The following NBPF12 variants were observed in gnomAD, a reference collection of about 807,000 sequenced individuals.
NBPF12 encodes the protein NBPF family member NBPF12.
In NBPF12, 115 loss-of-function variants were observed where a neutral mutation model predicts 146.4. The observed-to-expected ratio is 0.79, with a 90% CI of 0.68 to 0.92. The LOEUF (loss-of-function observed/expected upper bound fraction) is 0.92, where lower values mean the gene tolerates loss of function less well. Among genes scored for constraint, NBPF12 ranks in the 40% least tolerant of loss-of-function variants. The pLI is 0.00. For synonymous variants in NBPF12, 385 were observed against 508.9 expected (o/e 0.76, Z 3.28); for missense variants, 1,205 against 1,326.8 (o/e 0.91, Z 1.43).
chr1:146,944,942 CCCTTCTTTTCTT>C (rs1654961796), upstream of NBPF12, among the ~76,000 whole-genome samples: 1 of 84,416 alleles, frequency 1.2e-5, no homozygotes, highest in Non-Finnish European at 2.3e-5. Flanking sequence ...CTCCCTCCCT[CCCTTCTTTTCTT>C]CCTCCCTCCC....
chr1:146,971,105 A>G (rs1656582708), intron 12 of NBPF12, 78 bp from the exon 16 acceptor site: 1 of 1,604,674 alleles, frequency 6.2e-7, no homozygotes. Flanking sequence ...GCCGCTTGTC[A>G]AAACCAGCTA....
In NBPF12 at chr1:146,970,712, T is replaced by G. The variant is rs1553886268; in HGVS notation, c.1372T>G (p.Ser458Ala). Residue 458 changes from serine (S) to alanine (A), a missense_variant, in exon 12 of 34, where the codon TCC becomes GCC. By Grantham distance (99) the Ser-to-Ala change is moderately conservative. Coordinates refer to ENST00000617844, the Ensembl canonical transcript of NBPF12. ...GGATGAGAAAGTGCTGGAATCATCT[T>G]CCCCCAGGTGACACTGAATACTCAG... The G allele has an allele frequency of 4.9e-3, 6,727 of 1,367,990 alleles. 81 individuals carry two copies. The highest frequency in any genetic ancestry group is 5.7e-3 in the Non-Finnish European group (5,494 of 958,628). 84.7% of individuals were successfully genotyped at this position (1,367,990 alleles called of 1,614,324 possible). A position where few individuals can be genotyped will look rare whatever the true frequency, so the allele number is the denominator to read the frequency against.
intron 6 of NBPF12, among the ~76,000 whole-genome samples, chr1:146,963,623 G>A (rs1249778182): frequency 7.3e-5 from 11 of 151,422 alleles, no homozygotes; most frequent in East Asian, 3.9e-4. Context: ...AGAGCTCTGG[G>A]CTAAGAATGA....
chr1:146,943,009 C>T (rs1654874270), intron 1 of NBPF12, among the ~76,000 whole-genome samples: 2 of 138,606 alleles, frequency 1.4e-5, no homozygotes, highest in Non-Finnish European at 3.1e-5. Context: ...AAGGAATCCT[C>T]CTGCCTCAGC....
Position 146,962,394 on chromosome 1 carries a change from C to T in NBPF12, c.278+131C>T, listed in dbSNP as rs1655908913. The T allele has an allele frequency of 2.3e-5, 17 of 739,900 alleles. No homozygotes were observed. In the South Asian group the frequency reaches 2.6e-4, roughly 11 times the overall value. The allele number at this position is 739,900 out of a possible 1,614,324, so 45.8% of individuals were successfully genotyped here. A position where few individuals can be genotyped will look rare whatever the true frequency, so the allele number is the denominator to read the frequency against. Reference sequence around the variant, plus strand: ...AGAAATTGCCATGGCAGGCTCATGACACACAAATATTTATCAGAGAACAAG... The same window carrying T: ...AGAAATTGCCATGGCAGGCTCATGATACACAAATATTTATCAGAGAACAAG... On this transcript the variant is annotated intron_variant, in intron 5 of 33. Transcript: ENST00000617844.
Position 146,955,507 on chromosome 1 carries a change from TTC to T in NBPF12, c.-184+4020_-184+4021del, listed in dbSNP as rs1433549427. Among the ~76,000 whole-genome samples the T allele has an allele frequency of 4.6e-3, 383 of 82,594 alleles. 6 individuals are homozygous for T. Among genetic ancestry groups the T allele is most frequent in the African/African-American group, 0.022 (354 of 16,454 alleles). 54.2% of individuals were successfully genotyped at this position (82,594 alleles called of 152,430 possible). ...AACTGGGGAGGAAGAGAGTTTTGAC[TTC>T]TGCAACTGGTTACAGGGAAACGGCC... On this transcript the variant is annotated intron_variant, in intron 2 of 33. Coordinates refer to ENST00000617844, the Ensembl canonical transcript of NBPF12.
chr1:146,994,997 G>T lies in NBPF12; in HGVS notation c.*422G>T, dbSNP rs1658456922. 3 of 251,586 alleles carry T rather than the reference G, an allele frequency of 1.2e-5. No homozygotes were observed. In the South Asian group the frequency reaches 1.6e-4, roughly 13 times the overall value. The allele number at this position is 251,586 out of a possible 1,614,324, so 15.6% of individuals were successfully genotyped here. On this transcript the variant is annotated 3_prime_UTR_variant, in exon 34 of 34. Coordinates refer to ENST00000617844, the Ensembl canonical transcript of NBPF12. ...TAACCTCATTATTTGTGTCTTCAGT[G>T]TTGGCTTGTTTTAGCTGATCCATCT...
intron 21 of NBPF12, 130 bp from the exon 25 acceptor site, chr1:146,984,683 T>G (rs1570890329): frequency 1.4e-6 from 1 of 724,420 alleles, no homozygotes; most frequent in Non-Finnish European, 2.5e-6. Flanking sequence ...AGGCAATAAT[T>G]TGTTACCTCA....
At chr1:146,951,052 T>C (rs1472040201) in intron 1 of NBPF12, among the ~76,000 whole-genome samples, 14 of 152,052 alleles carry the variant, frequency 9.2e-5, no homozygotes, top group East Asian at 7.7e-4. Flanking sequence ...AGAAAGCTTT[T>C]GCTACTTCCA....
chr1:146,992,472 G>GTTTGTGTGTT (rs1658251082), intron 31 of NBPF12, among the ~76,000 whole-genome samples: 50 of 103,016 alleles, frequency 4.9e-4, no homozygotes, highest in South Asian at 1.6e-3. Context: ...CTGTGTGTGT[G>GTTTGTGTGTT]TGTGTGTGTG....
intron 8 of NBPF12, among the ~76,000 whole-genome samples, chr1:146,965,432 C>T (rs1179233003): frequency 1.3e-5 from 2 of 149,210 alleles, no homozygotes; most frequent in South Asian, 2.1e-4. Flanking sequence ...ATGATCCTCC[C>T]ACCCTCATTC....
At chr1:146,956,443 TTTGTAAACGTG>T (rs1655592297) in intron 2 of NBPF12, among the ~76,000 whole-genome samples, 2 of 151,786 alleles carry the variant, frequency 1.3e-5, no homozygotes, top group South Asian at 2.1e-4. Context: ...AGTGCATCCA[TTTGTAAACGTG>T]CATTGAATTA....
At position 146,972,970 on chromosome 1, in the gene NBPF12, A is replaced by G. The variant is rs1656751351; in HGVS notation, c.1801+10A>G. The G allele has an allele frequency of 1.8e-5, 16 of 910,196 alleles. No individual in the cohort carries two copies. The highest frequency in any genetic ancestry group is 4.8e-5 in the East Asian group (2 of 41,844). The allele number at this position is 910,196 out of a possible 1,614,324, so 56.4% of individuals were successfully genotyped here. On this transcript the variant is annotated intron_variant, in intron 14 of 33. Transcript: ENST00000617844. ...CAGCAGAACAAATACAGTAAGATCT[A>G]TATGCTCACCATCATGAAAGTGATG...
At chr1:146,975,496 A>G (rs1368531177) in intron 15 of NBPF12, among the ~76,000 whole-genome samples, 181 bp from the exon 19 acceptor site, 1 of 149,092 alleles carries the variant, frequency 6.7e-6, no homozygotes, top group Admixed American at 6.6e-5. Flanking sequence ...TCTCTGATAC[A>G]GAGGAAGCCT....
chr1:146,976,391 C>T (rs1421629735), intron 16 of NBPF12, among the ~76,000 whole-genome samples: 13 of 133,312 alleles, frequency 9.8e-5, no homozygotes, highest in South Asian at 5.8e-4. Context: ...AGCCCCTCTC[C>T]GTGTGGTGTT....
intron 1 of NBPF12, among the ~76,000 whole-genome samples, chr1:146,941,948 T>G (rs1449292752): frequency 1.3e-5 from 2 of 148,916 alleles, no homozygotes; most frequent in Non-Finnish European, 3.0e-5. Context: ...CACCTCCACC[T>G]CCTGGCTCAA....
exon 9 of NBPF12, chr1:146,966,529 G>A (rs1463537553): frequency 3.0e-5 from 44 of 1,474,088 alleles, no homozygotes; most frequent in South Asian, 1.1e-4. Context: ...TTTGTCCAGC[G>A]AGAAGGCAGA....
At chr1:146,984,865 C>G (rs1657652965) in exon 22 of NBPF12, 2 of 1,565,078 alleles carry the variant, frequency 1.3e-6, no homozygotes, top group East Asian at 4.5e-5. Flanking sequence ...GCAGGACTCA[C>G]TGGATAGATG....
chr1:146,965,140 C>G, intron 8 of NBPF12, 36 bp downstream of exon 11: 1 of 1,154,614 alleles, frequency 8.7e-7, no homozygotes, highest in Non-Finnish European at 1.3e-6. Flanking sequence ...ATACCTCTGT[C>G]TAGGCTATGG....
Sources: gnomAD v4.1 joint callset for allele counts (sites outside exome capture counted in the v4.1 genomes callset) on GRCh38, gnomAD v4.1.1 for gene constraint, MANE v1.5 for transcripts, NCBI Gene and HGNC (gene_info 2026-07-23, HGNC 2026-07-21) for gene names.